The following SLC24A2 variants were observed in gnomAD, a reference collection of about 807,000 sequenced individuals.
SLC24A2 encodes sodium/potassium/calcium exchanger 2.
In SLC24A2, 36 loss-of-function variants were observed where a neutral mutation model predicts 62.0. That is an observed-to-expected ratio of 0.58 (90% CI 0.44 to 0.77). The LOEUF is 0.77. Among genes scored for constraint, SLC24A2 ranks in the 30% least tolerant of loss-of-function variants. SLC24A2 has a pLI of 0.00. For missense variants in SLC24A2, 846 were observed against 817.9 expected, an observed-to-expected ratio of 1.03 and a Z score of -0.42; for synonymous variants, 358 against 294.0, an observed-to-expected ratio of 1.22 and a Z score of -2.23.
chr9:20,173,135 C>G, the SLC24A2 span, among the ~76,000 whole-genome samples: 1 of 152,008 alleles, frequency 6.6e-6, no homozygotes, highest in Non-Finnish European at 1.5e-5. Context: ...TCCAGCAACC[C>G]TTTATGATTA....
At chr9:20,041,178 G>A in the SLC24A2 span, among the ~76,000 whole-genome samples, 4 of 148,490 alleles carry the variant, frequency 2.7e-5, no homozygotes, top group South Asian at 2.2e-4. Context: ...ACGTGTGCGC[G>A]CAGAAGCATG....
the SLC24A2 span, among the ~76,000 whole-genome samples, chr9:19,863,700 T>C: frequency 4.3e-5 from 1 of 23,178 alleles, no homozygotes; most frequent in African/African-American, 1.8e-4. Context: ...ATCTATGGAA[T>C]ACAGTGGAGC....
At chr9:19,989,614 G>T in the SLC24A2 span, among the ~76,000 whole-genome samples, 11 of 152,222 alleles carry the variant, frequency 7.2e-5, no homozygotes, top group African/African-American at 2.6e-4. Context: ...TTCTTACCAT[G>T]GTATCTTATA....
At chr9:19,756,756 T>C (rs1822150204) in intron 2 of SLC24A2, among the ~76,000 whole-genome samples, 1 of 152,108 alleles carries the variant, frequency 6.6e-6, no homozygotes, top group African/African-American at 2.4e-5. Flanking sequence ...TTGACTTAAG[T>C]CTGTTCACTT....
the SLC24A2 span, among the ~76,000 whole-genome samples, chr9:20,146,917 C>A: frequency 6.6e-6 from 1 of 152,098 alleles, no homozygotes; most frequent in Non-Finnish European, 1.5e-5. Flanking sequence ...ACTAGTCAGG[C>A]TCTTATGTAC....
chr9:19,732,345 G>C (rs1180004934), intron 2 of SLC24A2, among the ~76,000 whole-genome samples: 3 of 152,136 alleles, frequency 2.0e-5, no homozygotes, highest in African/African-American at 4.8e-5. Flanking sequence ...TTGTAGCTTG[G>C]AATGTCATAG....
At chr9:19,705,100 A>T (rs1820472364) in intron 2 of SLC24A2, among the ~76,000 whole-genome samples, 1 of 152,204 alleles carries the variant, frequency 6.6e-6, no homozygotes, top group African/African-American at 2.4e-5. Context: ...TGTTCTCAGC[A>T]TATGATGGTA....
the SLC24A2 span, among the ~76,000 whole-genome samples, chr9:20,270,370 G>C: frequency 6.6e-6 from 1 of 152,116 alleles, no homozygotes; most frequent in Non-Finnish European, 1.5e-5. Flanking sequence ...TAATGGTAAG[G>C]AGTTTCCTGT....
At position 19,633,497 on chromosome 9, in the gene SLC24A2, T is replaced by C. The variant is rs186927451; in HGVS notation, c.931-11198A>G. On this transcript the variant is annotated intron_variant, in intron 2 of 10. Transcript: ENST00000341998. ...TTTGAAATTTTATTCTTTCTAAAGG[T>C]GCCGTGATATCTCATTGTGGTATCA... Among the ~76,000 whole-genome samples the C allele has an allele frequency of 1.6e-4, 24 of 152,364 alleles. No homozygotes were observed. In the East Asian group the frequency reaches 4.2e-3, roughly 27 times the overall value.
chr9:19,558,073 G>T (rs142145432), intron 7 of SLC24A2, among the ~76,000 whole-genome samples: 70 of 152,242 alleles, frequency 4.6e-4, no homozygotes, highest in African/African-American at 1.5e-3. Flanking sequence ...AAAGTGCTGG[G>T]ATTATGGGTG....
chr9:19,693,596 A>G (rs895709741), intron 2 of SLC24A2, among the ~76,000 whole-genome samples: 1 of 152,038 alleles, frequency 6.6e-6, no homozygotes, highest in African/African-American at 2.4e-5. Context: ...GTTTTTTCCA[A>G]TCAAGTACAT....
chr9:20,164,206 T>C, the SLC24A2 span, among the ~76,000 whole-genome samples: 2 of 151,782 alleles, frequency 1.3e-5, no homozygotes, highest in Admixed American at 1.3e-4. Context: ...ACCTACAAAA[T>C]GGGAGAAAAT....
the SLC24A2 span, among the ~76,000 whole-genome samples, chr9:19,800,494 A>C: frequency 3.4e-4 from 52 of 152,190 alleles, no homozygotes; most frequent in Non-Finnish European, 5.4e-4. Flanking sequence ...CTTTGCAAAA[A>C]TTCTTTCTCA....
upstream of SLC24A2, among the ~76,000 whole-genome samples, chr9:19,792,503 C>T (rs184264389): frequency 5.0e-4 from 57 of 114,230 alleles, no homozygotes; most frequent in East Asian, 7.3e-3. Context: ...CCAACCTGGC[C>T]AACATGGTGA....
the SLC24A2 span, among the ~76,000 whole-genome samples, chr9:20,252,788 T>G: frequency 6.6e-6 from 1 of 152,188 alleles, no homozygotes; most frequent in Admixed American, 6.5e-5. Flanking sequence ...CAAGCATGTC[T>G]CCAAAAAACA....
rs185028573 is a variant in SLC24A2 at position 19,768,758 on chromosome 9, C to T, written c.930+17179G>A. On this transcript the variant is annotated intron_variant, in intron 2 of 10. Coordinates refer to ENST00000341998, the MANE Select transcript of SLC24A2 (RefSeq NM_020344.4). ...CAGACTGTGGTTGACTGTGGTTGAC[C>T]GTGGGTAATTGAAACTGTGGAAAAG... is the stretch of plus-strand genomic sequence containing the variant. 2.9e-3 allele frequency among the ~76,000 whole-genome samples: 443 copies of T among 151,830 alleles called. 2 individuals are homozygous for T. The highest frequency in any genetic ancestry group is 5.5e-3 in the Non-Finnish European group (372 of 68,010).
At chr9:19,959,586 T>C in the SLC24A2 span, among the ~76,000 whole-genome samples, 2 of 152,362 alleles carry the variant, frequency 1.3e-5, no homozygotes, top group East Asian at 3.9e-4. Context: ...ATTTGATAAG[T>C]GTCTGGTGAA....
the SLC24A2 span, among the ~76,000 whole-genome samples, chr9:19,802,856 G>A: frequency 2.0e-5 from 3 of 152,134 alleles, no homozygotes; most frequent in African/African-American, 7.2e-5. Context: ...AATTCCCAAT[G>A]CAATAGTATT....
chr9:19,593,942 A>G (rs993040793), intron 5 of SLC24A2, among the ~76,000 whole-genome samples: 5 of 152,290 alleles, frequency 3.3e-5, no homozygotes, highest in Admixed American at 3.3e-4. Flanking sequence ...ATGATATAGA[A>G]TATATATAAG....
Sources: allele counts gnomAD v4.1 joint callset (sites outside exome capture counted in the v4.1 genomes callset), GRCh38; gene constraint gnomAD v4.1.1; transcripts MANE v1.5; gene names NCBI Gene and HGNC (gene_info 2026-07-23, HGNC 2026-07-21).